GABBR1: variants seen among roughly 807,000 people sequenced by gnomAD.
The protein encoded by GABBR1 is gamma-aminobutyric acid type B receptor subunit 1, also known as GABA-B receptor, R1 subunit.
GABBR1 carries 35 observed loss-of-function variants against 117.7 expected under a neutral mutation model. The ratio of observed to expected loss-of-function variants is 0.30; its 90% CI spans 0.23 to 0.39. GABBR1 has a LOEUF of 0.39. Ranked by LOEUF, GABBR1 falls within the 10% of genes least tolerant of loss-of-function variation. GABBR1 has a pLI of 1.00. For synonymous variants in GABBR1, 442 were observed against 486.6 expected, an observed-to-expected ratio of 0.91 and a Z score of 1.21; for missense variants, 709 against 1,241.8, an observed-to-expected ratio of 0.57 and a Z score of 6.45.
chr6:29,605,020 G>A lies in GABBR1; in HGVS notation c.2440-32C>T, dbSNP rs1270320614. 1 of 1,585,494 alleles carries A rather than the reference G, an allele frequency of 6.3e-7. No individual in the cohort carries two copies. The highest frequency in any genetic ancestry group is 8.6e-7 in the Non-Finnish European group (1 of 1,167,844). Reference sequence around the variant, plus strand: ...GGAAAGACACATTGAGGGAGTCTCAGGTCTGCAGGCTCAGACAAGATCCAG... The same window carrying A: ...GGAAAGACACATTGAGGGAGTCTCAAGTCTGCAGGCTCAGACAAGATCCAG... On this transcript the variant is annotated intron_variant, in intron 20 of 22. Transcript: ENST00000377034. This position sits in a 1 kb window ranked among gnomAD's most constrained non-coding sequence, Gnocchi z 4.2.
rs1173668285 is a variant in GABBR1 at position 29,620,093 on chromosome 6, G to A, written c.1323+1008C>T. ...TGGGAAGTGATGAGCAGAGCAGTTT[G>A]GAGCCAGATTTAACTAGGATTCAAT... On this transcript the variant is annotated intron_variant, in intron 11 of 22. Transcript: ENST00000377034. The surrounding 1 kb of genome is among the most constrained non-coding windows in gnomAD (Gnocchi z 4.5). Among the ~76,000 whole-genome samples the A allele has an allele frequency of 6.6e-6, 1 of 152,186 alleles. No homozygotes were observed.
In GABBR1 at chr6:29,605,754, T is replaced by C; in HGVS notation, c.2312-58A>G. ...AAGGACCACAATGCTCCTCACTCAA[T>C]CCCCATCCCCTCTCTGCCCTTCACC... On this transcript the variant is annotated intron_variant, in intron 19 of 22. Coordinates refer to ENST00000377034, the MANE Select transcript of GABBR1 (RefSeq NM_001470.4). The surrounding 1 kb of genome is among the most constrained non-coding windows in gnomAD (Gnocchi z 4.2). 1 of 1,587,486 alleles carries C rather than the reference T, an allele frequency of 6.3e-7. No homozygotes were observed. Among genetic ancestry groups the C allele is most frequent in the Non-Finnish European group, 8.5e-7 (1 of 1,170,350 alleles).
intron 16 of GABBR1, 140 bp downstream of exon 16, chr6:29,608,461 G>C: frequency 1.2e-6 from 1 of 828,390 alleles, no homozygotes; most frequent in South Asian, 1.8e-5. Flanking sequence ...GAACAGAGGG[G>C]TGATGCTAGA....
chr6:29,631,300 C>G lies in GABBR1; in HGVS notation c.289+96G>C. On this transcript the variant is annotated intron_variant, in intron 3 of 22. Transcript: ENST00000377034. The surrounding 1 kb of genome is among the most constrained non-coding windows in gnomAD (Gnocchi z 5.9). ...AAATGTATTTGTGAATTTTGGTATA[C>G]TGGATTTAAAGTGCTGACTTGCAAG... The G allele has an allele frequency of 3.2e-6, 4 of 1,243,154 alleles. No homozygotes were observed. The highest frequency in any genetic ancestry group is 4.6e-6 in the Non-Finnish European group (4 of 865,500). 77.0% of individuals were successfully genotyped at this position (1,243,154 alleles called of 1,614,324 possible). A position where few individuals can be genotyped will look rare whatever the true frequency, so the allele number is the denominator to read the frequency against.
Position 29,621,848 on chromosome 6 carries a change from G to C in GABBR1, c.1066-31C>G, listed in dbSNP as rs987897616. The stretch of plus-strand genomic sequence containing the variant: ...ACAGAGAAAGAAACAGCTCCTGAGG[G>C]ATGCCCGGGAATGCCTGAGGGGCTA... On this transcript the variant is annotated intron_variant, in intron 9 of 22. Transcript: ENST00000377034. The surrounding 1 kb of genome is among the most constrained non-coding windows in gnomAD (Gnocchi z 5.0). The C allele has an allele frequency of 1.2e-6, 2 of 1,609,554 alleles. No homozygotes were observed. Among genetic ancestry groups the C allele is most frequent in the South Asian group, 1.1e-5 (1 of 90,982 alleles).
In GABBR1 at chr6:29,602,697, G is replaced by A; in HGVS notation, c.*846C>T. 3.1e-6 allele frequency: 1 copy of A among 320,886 alleles called. No individual in the cohort carries two copies. Among genetic ancestry groups the A allele is most frequent in the South Asian group, 2.7e-5 (1 of 37,544 alleles). 19.9% of individuals were successfully genotyped at this position (320,886 alleles called of 1,614,324 possible). On this transcript the variant is annotated 3_prime_UTR_variant, in exon 23 of 23. Coordinates refer to ENST00000377034, the MANE Select transcript of GABBR1 (RefSeq NM_001470.4). Reference sequence around the variant, plus strand: ...AAGAAAGTACACAAGGTACATGGAGGGTACACAGGGAAAGTACATGGATAA... The same window carrying A: ...AAGAAAGTACACAAGGTACATGGAGAGTACACAGGGAAAGTACATGGATAA...
intron 5 of GABBR1, chr6:29,628,288 GC>G: frequency 2.6e-6 from 1 of 378,984 alleles, no homozygotes; most frequent in Non-Finnish European, 3.6e-6. Context: ...TGGGGACGGG[GC>G]GTGCCAGGAG....
At chr6:29,625,894 T>C (rs1458880794) in intron 6 of GABBR1, among the ~76,000 whole-genome samples, 2 of 152,200 alleles carry the variant, frequency 1.3e-5, no homozygotes, top group Non-Finnish European at 2.9e-5. Flanking sequence ...CTCTACCAGA[T>C]CTGATCCTCT....
intron 6 of GABBR1, among the ~76,000 whole-genome samples, chr6:29,625,371 A>G (rs2127439463): frequency 6.6e-6 from 1 of 152,292 alleles, no homozygotes; most frequent in East Asian, 1.9e-4. Flanking sequence ...GTTAATAGGA[A>G]CAATGAGGAC....
intron 6 of GABBR1, 50 bp from the exon 7 acceptor site, chr6:29,624,074 G>A (rs570783626): frequency 1.3e-6 from 2 of 1,525,550 alleles, no homozygotes; most frequent in East Asian, 2.3e-5. Context: ...CCCCTCCCCT[G>A]TCTGCAATTC....
In GABBR1 at chr6:29,613,265, G is replaced by C; in HGVS notation, c.1544C>G (p.Ser515Cys). The stretch of plus-strand genomic sequence containing the variant: ...CACAGAGACACCCTCAAAGGACGAA[G>C]AGTTCATTGCCCGGTAGATTTGGTC... ...ITDQIYRAMNSSSFEGVSGHV... is the reference protein window; with the variant it reads ...ITDQIYRAMNCSSFEGVSGHV... Residue 515 changes from serine (S) to cysteine (C), a missense_variant, in exon 12 of 23, where the codon TCT becomes TGT. Around this residue, in one of 9 missense-constraint regions of GABBR1, gnomAD observed 38 missense variants for 47.7 expected, o/e 0.80. Transcript: ENST00000377034. The surrounding 1 kb of genome is among the most constrained non-coding windows in gnomAD (Gnocchi z 4.1). The C allele has an allele frequency of 6.2e-7, 1 of 1,612,984 alleles. No homozygotes were observed. Among genetic ancestry groups the C allele is most frequent in the African/African-American group, 1.3e-5 (1 of 75,054 alleles).
In GABBR1 at chr6:29,630,421, T is replaced by C; in HGVS notation, c.475+37A>G. ...CCCCACTCCCATCCTCACACAAGCG[T>C]CCTCATCAGCTGCATGCAGGCAGCT... On this transcript the variant is annotated intron_variant, in intron 4 of 22. Coordinates refer to ENST00000377034, the MANE Select transcript of GABBR1 (RefSeq NM_001470.4). This position sits in a 1 kb window ranked among gnomAD's most constrained non-coding sequence, Gnocchi z 4.9. The C allele has an allele frequency of 6.3e-7, 1 of 1,577,082 alleles. No homozygotes were observed. Among genetic ancestry groups the C allele is most frequent in the South Asian group, 1.1e-5 (1 of 90,216 alleles).
chr6:29,628,160 C>G (rs1252405374), intron 5 of GABBR1: 2 of 383,894 alleles, frequency 5.2e-6, no homozygotes, highest in Non-Finnish European at 3.0e-6. Flanking sequence ...AAGCGAGCGC[C>G]GAGGTGGGAG....
chr6:29,602,453 A>G lies in GABBR1; in HGVS notation c.*1090T>C, dbSNP rs926842594. The G allele has an allele frequency of 2.6e-5, 4 of 154,868 alleles. No individual in the cohort carries two copies. Among genetic ancestry groups the G allele is most frequent in the African/African-American group, 7.2e-5 (3 of 41,452 alleles). 9.6% of individuals were successfully genotyped at this position (154,868 alleles called of 1,614,324 possible). On this transcript the variant is annotated 3_prime_UTR_variant, in exon 23 of 23. Transcript: ENST00000377034. ...CCTTAATTCCCCTCAAAAAAACACA[A>G]AACAAAAGGGAGCAGTCTTGGGAGA...
Position 29,613,502 on chromosome 6 carries a change from C to T in GABBR1, c.1324-17G>A. 1.9e-6 allele frequency: 3 copies of T among 1,610,078 alleles called. No individual in the cohort carries two copies. The highest frequency in any genetic ancestry group is 1.7e-6 in the Non-Finnish European group (2 of 1,177,888). The stretch of plus-strand genomic sequence containing the variant: ...CTGGGATGTCTTGGGAGGAAAAAAT[C>T]ATGAGGAAAGAACTGAAATGTGTGT... On this transcript the variant is annotated splice_polypyrimidine_tract_variant and intron_variant, in intron 11 of 22. Coordinates refer to ENST00000377034, the MANE Select transcript of GABBR1 (RefSeq NM_001470.4). This position sits in a 1 kb window ranked among gnomAD's most constrained non-coding sequence, Gnocchi z 4.1.
At position 29,627,444 on chromosome 6, in the gene GABBR1, C is replaced by G. The variant is rs1764387903; in HGVS notation, c.657+42G>C. On this transcript the variant is annotated intron_variant, in intron 6 of 22. Transcript: ENST00000377034. The surrounding 1 kb of genome is among the most constrained non-coding windows in gnomAD (Gnocchi z 4.4). ...CGTGCAGCTGGCTGGCCCCCTGCCCCGCAAGCCCCCACCTCCCACCCACCC... is the reference window on the plus strand; with the variant it reads ...CGTGCAGCTGGCTGGCCCCCTGCCCGGCAAGCCCCCACCTCCCACCCACCC... The G allele has an allele frequency of 7.2e-7, 1 of 1,385,338 alleles. No homozygotes were observed. Among genetic ancestry groups the G allele is most frequent in the African/African-American group, 1.4e-5 (1 of 68,994 alleles). 85.8% of individuals were successfully genotyped at this position (1,385,338 alleles called of 1,614,324 possible).
At chr6:29,614,114 C>G (rs1394940541) in intron 11 of GABBR1, among the ~76,000 whole-genome samples, 4 of 152,250 alleles carry the variant, frequency 2.6e-5, no homozygotes, top group African/African-American at 4.8e-5. Flanking sequence ...CCTCCCAACA[C>G]TCAACCTTCT....
rs746403304 is a variant in GABBR1 at position 29,606,488 on chromosome 6, G to A, written c.2218-4C>T. The stretch of plus-strand genomic sequence containing the variant: ...TAGGTTCCTCCTTGGCAAATGTCTA[G>A]GGCAGAAACAAGGTCACAAGAAAGA... On this transcript the variant is annotated splice_region_variant and splice_polypyrimidine_tract_variant and intron_variant, in intron 18 of 22. Coordinates refer to ENST00000377034, the MANE Select transcript of GABBR1 (RefSeq NM_001470.4). This position sits in a 1 kb window ranked among gnomAD's most constrained non-coding sequence, Gnocchi z 4.5. 1 of 1,603,170 alleles carries A rather than the reference G, an allele frequency of 6.2e-7. No individual in the cohort carries two copies. Among genetic ancestry groups the A allele is most frequent in the Admixed American group, 1.7e-5 (1 of 60,006 alleles).
chr6:29,632,590 T>G lies in GABBR1; in HGVS notation c.1-205A>C. 1 of 1,047,606 alleles carries G rather than the reference T, an allele frequency of 9.5e-7. No individual in the cohort carries two copies. The highest frequency in any genetic ancestry group is 1.3e-6 in the Non-Finnish European group (1 of 752,822). 64.9% of individuals were successfully genotyped at this position (1,047,606 alleles called of 1,614,324 possible). On this transcript the variant is annotated intron_variant, in intron 1 of 22. Coordinates refer to ENST00000377034, the MANE Select transcript of GABBR1 (RefSeq NM_001470.4). This position sits in a 1 kb window ranked among gnomAD's most constrained non-coding sequence, Gnocchi z 5.8. ...GAGAGAAAGCCTGTCCCCACCCTCC[T>G]CCTGCCTCCCTCGGCCCCCAACCCT...
Sources: allele counts gnomAD v4.1 joint callset (sites outside exome capture counted in the v4.1 genomes callset), GRCh38; gene constraint gnomAD v4.1.1; regional missense constraint gnomAD v4.1.1; non-coding constraint Gnocchi (gnomAD v3.1); transcripts MANE v1.5; gene names NCBI Gene and HGNC (gene_info 2026-07-23, HGNC 2026-07-21).